The following FMN2 variants were observed in gnomAD, a reference collection of about 807,000 sequenced individuals.
FMN2 encodes formin 2.
Under a neutral mutation model 142.3 loss-of-function variants are expected in FMN2, and 51 were observed. That is an observed-to-expected ratio of 0.36 (90% CI 0.29 to 0.45). The LOEUF (loss-of-function observed/expected upper bound fraction) is 0.45. FMN2 is among the 20% of genes least tolerant of loss of function. The probability of loss-of-function intolerance (pLI) is 1.00; values close to 1 mark genes in which losing one functional copy is unlikely to be tolerated. For missense variants in FMN2, 1,936 were observed against 2,122.8 expected (o/e 0.91, Z 1.73); for synonymous variants, 882 against 869.8 (o/e 1.01, Z -0.25).
At chr1:240,241,489 G>C (rs1404234243) in intron 6 of FMN2, among the ~76,000 whole-genome samples, 4 of 152,140 alleles carry the variant, frequency 2.6e-5, no homozygotes, top group Non-Finnish European at 5.9e-5. Context: ...CAGAGGACAA[G>C]TGAACTTTGG....
intron 7 of FMN2, among the ~76,000 whole-genome samples, chr1:240,262,759 C>CTTTTTT (rs764626617): frequency 3.4e-5 from 4 of 117,768 alleles, no homozygotes; most frequent in South Asian, 2.9e-4. Context: ...AAAACTTTTA[C>CTTTTTT]TTTTTTTTTT....
intron 6 of FMN2, among the ~76,000 whole-genome samples, chr1:240,239,437 G>A (rs1211696025): frequency 1.3e-5 from 2 of 152,200 alleles, no homozygotes; most frequent in Non-Finnish European, 2.9e-5. Context: ...CTCTGAAAAT[G>A]AGCATCATAA....
chr1:240,303,290 G>C (rs1422008493), intron 8 of FMN2, among the ~76,000 whole-genome samples: 1 of 152,160 alleles, frequency 6.6e-6, no homozygotes, highest in South Asian at 2.1e-4. Context: ...TTATGGTCTA[G>C]TGTCCTGTCA....
intron 14 of FMN2, among the ~76,000 whole-genome samples, chr1:240,383,933 G>A (rs1233917417): frequency 1.3e-5 from 2 of 151,488 alleles, no homozygotes; most frequent in African/African-American, 4.9e-5. Context: ...ACTATACTAT[G>A]TGTACTACCA....
chr1:240,111,818 G>A (rs752412266), intron 1 of FMN2, among the ~76,000 whole-genome samples: 1 of 152,042 alleles, frequency 6.6e-6, no homozygotes, highest in Admixed American at 6.6e-5. Flanking sequence ...CTGACATCGG[G>A]ATTGAGATCC....
intron 8 of FMN2, among the ~76,000 whole-genome samples, chr1:240,305,951 G>GT (rs10577212): frequency 3.7e-3 from 447 of 121,734 alleles, no homozygotes; most frequent in Admixed American, 4.9e-3. Context: ...ATGCTTGTAA[G>GT]TTTTTTTTTT....
chr1:240,458,017 C>T lies in FMN2; in HGVS notation c.5061-14355C>T, dbSNP rs1051391154. On this transcript the variant is annotated intron_variant, in intron 16 of 17. Coordinates refer to ENST00000319653, the MANE Select transcript of FMN2 (RefSeq NM_020066.5). ...GTAGTCTCTGTTGACTGGTTAGGGA[C>T]AGATGTCTGATTAACTGGGAGCACA... The T allele has an allele frequency of 2.0e-5, 3 of 152,312 alleles. 1 individual carries two copies. Among genetic ancestry groups the T allele is most frequent in the Admixed American group, 1.3e-4 (2 of 15,272 alleles). The allele number at this position is 152,312 out of a possible 1,614,324, so 9.4% of individuals were successfully genotyped here.
chr1:240,241,565 A>G (rs1006475808), intron 6 of FMN2, among the ~76,000 whole-genome samples: 1 of 152,152 alleles, frequency 6.6e-6, no homozygotes, highest in Non-Finnish European at 1.5e-5. Context: ...GCCATTTTTC[A>G]TACTGAACAT....
intron 3 of FMN2, among the ~76,000 whole-genome samples, chr1:240,178,667 C>G (rs1486905622): frequency 6.6e-6 from 1 of 152,018 alleles, no homozygotes; most frequent in African/African-American, 2.4e-5. Flanking sequence ...CTCCTGGGCT[C>G]AAGCAGTTCT....
chr1:240,203,296 A>G (rs1469241553), intron 4 of FMN2, among the ~76,000 whole-genome samples: 1 of 152,126 alleles, frequency 6.6e-6, no homozygotes, highest in Non-Finnish European at 1.5e-5. Flanking sequence ...TGACCCAGCA[A>G]CCCCATTACT....
rs1289956979 is a variant in FMN2, at chr1:240,440,504, G to T, written c.5060+2294G>T. ...AAATCAGCTAGATCCATTTTTTTTG[G>T]TTCTTTATCCTGTGCTTGTCATGTC... On this transcript the variant is annotated intron_variant, in intron 16 of 17. Transcript: ENST00000319653. Among the ~76,000 whole-genome samples, 5 of 151,782 alleles carry T rather than the reference G, an allele frequency of 3.3e-5. No homozygotes were observed. In the South Asian group the frequency reaches 1.0e-3, roughly 31 times the overall value.
At chr1:240,136,092 T>C (rs906384534) in intron 2 of FMN2, among the ~76,000 whole-genome samples, 3 of 152,146 alleles carry the variant, frequency 2.0e-5, no homozygotes, top group Admixed American at 1.3e-4. Flanking sequence ...TACATATGTG[T>C]TTAAGCATAT....
chr1:240,393,047 C>T (rs1446141727), intron 15 of FMN2, among the ~76,000 whole-genome samples: 2 of 152,164 alleles, frequency 1.3e-5, no homozygotes, highest in African/African-American at 4.8e-5. Context: ...CTTCTCGCAT[C>T]TCTCTATATA....
At chr1:240,349,525 A>C (rs1424512755) in intron 13 of FMN2, among the ~76,000 whole-genome samples, 1 of 152,128 alleles carries the variant, frequency 6.6e-6, no homozygotes, top group Non-Finnish European at 1.5e-5. Context: ...CTTCATGATC[A>C]TGGTTCATTC....
intron 8 of FMN2, among the ~76,000 whole-genome samples, chr1:240,318,038 T>G (rs1273384518): frequency 1.3e-5 from 2 of 152,242 alleles, no homozygotes; most frequent in East Asian, 3.8e-4. Flanking sequence ...ATGTATTCTC[T>G]CTGGCGATAT....
chr1:240,347,515 G>A (rs745452952), intron 13 of FMN2, among the ~76,000 whole-genome samples: 1 of 152,246 alleles, frequency 6.6e-6, no homozygotes, highest in South Asian at 2.1e-4. Context: ...CCTTGTCGTG[G>A]AGATTACTTT....
chr1:240,443,451 T>C (rs1317745455), intron 16 of FMN2, among the ~76,000 whole-genome samples: 1 of 152,230 alleles, frequency 6.6e-6, no homozygotes, highest in Non-Finnish European at 1.5e-5. Context: ...AGGCCAGGCA[T>C]GGTGGCTCAT....
intron 1 of FMN2, among the ~76,000 whole-genome samples, chr1:240,113,242 C>G (rs1472318336): frequency 6.6e-6 from 1 of 151,908 alleles, no homozygotes; most frequent in Non-Finnish European, 1.5e-5. Flanking sequence ...TGGTTCCTGG[C>G]CCCAGCCAGC....
intron 6 of FMN2, among the ~76,000 whole-genome samples, chr1:240,255,088 G>T (rs1373047567): frequency 1.3e-5 from 2 of 152,140 alleles, no homozygotes; most frequent in African/African-American, 4.8e-5. Flanking sequence ...GGCTGCTGGG[G>T]TCGCTCACTT....
Sources: allele counts gnomAD v4.1 joint callset (sites outside exome capture counted in the v4.1 genomes callset), GRCh38; gene constraint gnomAD v4.1.1; transcripts MANE v1.5; gene names NCBI Gene and HGNC (gene_info 2026-07-23, HGNC 2026-07-21).